Variants in NAALADL2 observed in about 807,000 individuals in gnomAD.
NAALADL2 encodes N-acetylated alpha-linked acidic dipeptidase like 2, also known as inactive N-acetylated-alpha-linked acidic dipeptidase-like protein 2.
A neutral mutation model predicts 87.2 loss-of-function variants in NAALADL2; 76 were observed. That is an observed-to-expected ratio of 0.87 (90% CI 0.72 to 1.05). The LOEUF (loss-of-function observed/expected upper bound fraction) is 1.05. Among genes scored for constraint, NAALADL2 ranks in the 50% least tolerant of loss-of-function variants. The pLI is 0.00. For synonymous variants in NAALADL2, 354 were observed against 331.0 expected, an observed-to-expected ratio of 1.07 and a Z score of -0.75; for missense variants, 1,089 against 945.8, an observed-to-expected ratio of 1.15 and a Z score of -1.99.
intron 5 of NAALADL2, among the ~76,000 whole-genome samples, chr3:175,325,312 T>A (rs2110447420): frequency 6.6e-6 from 1 of 152,356 alleles, no homozygotes; most frequent in South Asian, 2.1e-4. Flanking sequence ...TTGTTGCATC[T>A]ACTGATTATT....
At chr3:175,108,641 G>T (rs967520339) in intron 2 of NAALADL2, among the ~76,000 whole-genome samples, 3 of 151,908 alleles carry the variant, frequency 2.0e-5, no homozygotes, top group Admixed American at 6.6e-5. Flanking sequence ...TGTATTTCAA[G>T]CTGCTACATA....
chr3:175,408,359 AAAATC>A (rs1213227435), intron 5 of NAALADL2, among the ~76,000 whole-genome samples: 3 of 152,118 alleles, frequency 2.0e-5, no homozygotes, highest in Non-Finnish European at 4.4e-5. Context: ...ATGCACAACA[AAAATC>A]AAAACATTAT....
intron 3 of NAALADL2, among the ~76,000 whole-genome samples, chr3:175,246,275 C>T (rs1454060325): frequency 6.6e-6 from 1 of 152,052 alleles, no homozygotes; most frequent in Admixed American, 6.6e-5. Flanking sequence ...ATTTCTAAAG[C>T]AGAAACTCGT....
At chr3:175,323,341 G>T (rs1403067791) in intron 4 of NAALADL2, among the ~76,000 whole-genome samples, 1 of 116,950 alleles carries the variant, frequency 8.6e-6, no homozygotes, top group East Asian at 3.0e-4. Context: ...ACTGTGGTGG[G>T]GTGGGGGGAG....
intron 9 of NAALADL2, among the ~76,000 whole-genome samples, chr3:175,550,923 A>G (rs561598050): frequency 6.6e-5 from 10 of 152,362 alleles, no homozygotes; most frequent in African/African-American, 1.9e-4. Flanking sequence ...ATTTTCTCAA[A>G]AGAGAAAAGA....
chr3:175,576,656 G>A (rs1718946489), intron 10 of NAALADL2, among the ~76,000 whole-genome samples: 2 of 152,130 alleles, frequency 1.3e-5, no homozygotes, highest in African/African-American at 2.4e-5. Context: ...GAAGATGGAA[G>A]CATTTTTTTC....
intron 1 of NAALADL2, among the ~76,000 whole-genome samples, chr3:175,074,546 A>G (rs886786566): frequency 6.6e-5 from 10 of 152,060 alleles, no homozygotes; most frequent in African/African-American, 2.4e-4. Context: ...GAGTACATCG[A>G]GTATTATTTA....
chr3:175,330,292 C>A (rs1341415646), intron 5 of NAALADL2, among the ~76,000 whole-genome samples: 4 of 152,046 alleles, frequency 2.6e-5, no homozygotes, highest in Non-Finnish European at 5.9e-5. Flanking sequence ...AACAAGACAG[C>A]AGTAACTGGC....
At chr3:175,260,461 T>C (rs920354060) in intron 4 of NAALADL2, among the ~76,000 whole-genome samples, 22 of 152,236 alleles carry the variant, frequency 1.4e-4, no homozygotes, top group African/African-American at 4.8e-4. Flanking sequence ...ATACATTCCA[T>C]TGGTAAGAAA....
intron 4 of NAALADL2, among the ~76,000 whole-genome samples, chr3:175,307,733 G>T (rs1245384266): frequency 6.6e-6 from 1 of 152,118 alleles, no homozygotes; most frequent in African/African-American, 2.4e-5. Flanking sequence ...CTTAGCACTG[G>T]TAAGCAAGAT....
intron 3 of NAALADL2, among the ~76,000 whole-genome samples, chr3:174,790,803 T>C (rs1717373921): frequency 6.6e-6 from 1 of 152,114 alleles, no homozygotes; most frequent in East Asian, 1.9e-4. Flanking sequence ...ATCTAAAGAA[T>C]GTTGATGATT....
chr3:174,733,219 C>T (rs955638761), intron 2 of NAALADL2, among the ~76,000 whole-genome samples: 10 of 152,032 alleles, frequency 6.6e-5, no homozygotes, highest in Admixed American at 2.6e-4. Context: ...TTTTAGGTAA[C>T]GCTTAAAAGG....
intron 12 of NAALADL2, among the ~76,000 whole-genome samples, chr3:175,741,583 CTGTT>C (rs556527956): frequency 3.2e-3 from 491 of 151,858 alleles, no homozygotes; most frequent in Middle Eastern, 0.021. Flanking sequence ...CATAAAATAG[CTGTT>C]TTTTTTTTAG....
intron 1 of NAALADL2, among the ~76,000 whole-genome samples, chr3:174,970,794 T>G (rs117527004): frequency 6.6e-6 from 1 of 152,200 alleles, no homozygotes; most frequent in Admixed American, 6.5e-5. Flanking sequence ...CATATTTATA[T>G]GGTCTCATTA....
chr3:174,898,038 G>T (rs189893645), intron 1 of NAALADL2, among the ~76,000 whole-genome samples: 2 of 130,708 alleles, frequency 1.5e-5, no homozygotes, highest in East Asian at 4.2e-4. Context: ...GCGTGAACCC[G>T]GGAGGCGGAG....
chr3:174,685,837 A>G (rs1165015036), intron 2 of NAALADL2, among the ~76,000 whole-genome samples: 4 of 101,762 alleles, frequency 3.9e-5, no homozygotes, highest in Admixed American at 1.3e-4. Context: ...CCACCCTTCC[A>G]TAGGCCGCAG....
chr3:175,688,949 T>C (rs755515241), intron 11 of NAALADL2, among the ~76,000 whole-genome samples: 13 of 152,184 alleles, frequency 8.5e-5, no homozygotes, highest in African/African-American at 1.9e-4. Context: ...GCACCAAATC[T>C]GATGCAAGGT....
intron 11 of NAALADL2, among the ~76,000 whole-genome samples, chr3:175,647,031 T>C (rs1730103833): frequency 6.6e-6 from 1 of 152,114 alleles, no homozygotes; most frequent in Non-Finnish European, 1.5e-5. Context: ...ACACACTCTT[T>C]ACCAGATCCA....
At chr3:175,540,451 C>T (rs935119905) in intron 9 of NAALADL2, among the ~76,000 whole-genome samples, 2 of 152,106 alleles carry the variant, frequency 1.3e-5, no homozygotes, top group Non-Finnish European at 2.9e-5. Context: ...TTTGTAGGAC[C>T]TTGGAGGCCA....
Sources: gnomAD v4.1 joint callset for allele counts (sites outside exome capture counted in the v4.1 genomes callset) on GRCh38, gnomAD v4.1.1 for gene constraint, MANE v1.5 for transcripts, NCBI Gene and HGNC (gene_info 2026-07-23, HGNC 2026-07-21) for gene names.